The following SYVN1 variants were observed in gnomAD, a reference collection of about 807,000 sequenced individuals.
The protein encoded by SYVN1 is synoviolin 1, also known as E3 ubiquitin-protein ligase synoviolin.
A neutral mutation model predicts 62.6 loss-of-function variants in SYVN1; 17 were observed. That is an observed-to-expected ratio of 0.27 (90% CI 0.19 to 0.41). SYVN1 has a LOEUF of 0.41. Ranked by LOEUF, SYVN1 falls within the 10% of genes least tolerant of loss-of-function variation. The pLI is 1.00. For missense variants in SYVN1, 634 were observed against 818.0 expected, an observed-to-expected ratio of 0.78 and a Z score of 2.74; for synonymous variants, 316 against 304.0, an observed-to-expected ratio of 1.04 and a Z score of -0.41.
chr11:65,133,552 G>C lies in SYVN1; in HGVS notation c.50C>G (p.Ala17Gly). ...GAGGTAGTAGGCGTGAGCCACCACAGCCCCGGTCAGCGCCAGGCTGGCCGC... is the reference window on the plus strand; with the variant it reads ...GAGGTAGTAGGCGTGAGCCACCACACCCCCGGTCAGCGCCAGGCTGGCCGC... The part of the protein sequence containing the change: ...MMAASLALTG[A>G]VVAHAYYLKH... The change falls in exon 2 of 16, where the codon GCT (alanine) becomes GGT (glycine). Residue 17 changes from alanine to glycine, a missense_variant. Ala to Gly is a moderately conservative substitution (Grantham distance 60). This residue lies in a region of SYVN1 where 283 missense variants were observed against 444.7 expected (regional missense o/e 0.64). Coordinates refer to ENST00000377190, the MANE Select transcript of SYVN1 (RefSeq NM_172230.3). The C allele has an allele frequency of 6.2e-7, 1 of 1,612,888 alleles. No homozygotes were observed.
Position 65,133,461 on chromosome 11 carries a change from T to A in SYVN1, c.132+9A>T. On this transcript the variant is annotated intron_variant, in intron 2 of 15. Coordinates refer to ENST00000377190, the MANE Select transcript of SYVN1 (RefSeq NM_172230.3). ...AGGGAGTTCCTCCCTCCCTGAGCCC[T>A]GAACTCACTGCCATGCTGGGGCTGG... 3 of 1,613,538 alleles carry A rather than the reference T, an allele frequency of 1.9e-6. No homozygotes were observed. Among genetic ancestry groups the A allele is most frequent in the Non-Finnish European group, 1.7e-6 (2 of 1,179,866 alleles).
chr11:65,128,781 C>T, intron 14 of SYVN1, 67 bp from the exon 15 acceptor site: 1 of 1,470,134 alleles, frequency 6.8e-7, no homozygotes, highest in Non-Finnish European at 9.1e-7. Flanking sequence ...TTCTCCTGCC[C>T]TTGGTGAGCC....
At position 65,132,276 on chromosome 11, in the gene SYVN1, GC is replaced by G; in HGVS notation, c.502del (p.Ala168ProfsTer14). On this transcript the variant is annotated frameshift_variant, in exon 6 of 16. Transcript: ENST00000377190. LOFTEE classifies it high-confidence loss of function. ...HAYHSILTRG[A>X]SVQLVFGFEY... Reference sequence around the variant, plus strand: ...AAAGCCAAACACCAGCTGCACAGAGGCCCCACGGGTCAGGATGCTGTGATAG... The same window carrying G: ...AAAGCCAAACACCAGCTGCACAGAGGCCCACGGGTCAGGATGCTGTGATAG... 6.2e-7 allele frequency: 1 copy of G among 1,614,078 alleles called. No individual in the cohort carries two copies. The highest frequency in any genetic ancestry group is 8.5e-7 in the Non-Finnish European group (1 of 1,179,954).
Position 65,130,684 on chromosome 11 carries a change from G to C in SYVN1, c.1081C>G (p.Pro361Ala). ...QGPPPAPHPP[P>A]LLPQPPNFPQ... ...CAGTTGGGGGGCTGAGGCAAGAGTG[G>C]TGGGGGGTGGGGGGCAGGGGGTGGC... The change falls in exon 11 of 16, where the codon CCA becomes GCA. Residue 361 changes from proline to alanine, a missense_variant. Pro to Ala is a conservative substitution (Grantham distance 27, BLOSUM62 -1). Around this residue, in one of 2 missense-constraint regions of SYVN1, gnomAD observed 351 missense variants for 373.3 expected, o/e 0.94. Transcript: ENST00000377190. 6.7e-7 allele frequency: 1 copy of C among 1,487,466 alleles called. No homozygotes were observed. The highest frequency in any genetic ancestry group is 8.9e-7 in the Non-Finnish European group (1 of 1,118,248). The allele number at this position is 1,487,466 out of a possible 1,614,324, so 92.1% of individuals were successfully genotyped here.
intron 7 of SYVN1, 46 bp downstream of exon 7, chr11:65,131,424 G>A: frequency 1.2e-6 from 2 of 1,613,976 alleles, no homozygotes; most frequent in African/African-American, 1.3e-5. Flanking sequence ...AGGAGGCAGA[G>A]TGGAGGATGC....
rs181540114 is a variant in SYVN1 at position 65,132,381 on chromosome 11, G to A, written c.428-30C>T. ...GGGGACCCCCACACATGCAGGGTGGGGGGGTCAGCCCAGGGCCCAACAGCT... is the reference window on the plus strand; with the variant it reads ...GGGGACCCCCACACATGCAGGGTGGAGGGGTCAGCCCAGGGCCCAACAGCT... On this transcript the variant is annotated intron_variant, in intron 5 of 15. Coordinates refer to ENST00000377190, the MANE Select transcript of SYVN1 (RefSeq NM_172230.3). The A allele has an allele frequency of 2.0e-3, 3,021 of 1,520,880 alleles. 18 individuals are homozygous for A. Among genetic ancestry groups the A allele is most frequent in the South Asian group, 2.3e-3 (202 of 89,068 alleles). The allele number at this position is 1,520,880 out of a possible 1,614,324, so 94.2% of individuals were successfully genotyped here. A position where few individuals can be genotyped will look rare whatever the true frequency, so the allele number is the denominator to read the frequency against.
At position 65,133,141 on chromosome 11, in the gene SYVN1, G is replaced by C. The variant is rs753990874; in HGVS notation, c.225+19C>G. 6 of 1,613,962 alleles carry C rather than the reference G, an allele frequency of 3.7e-6. No homozygotes were observed. In the South Asian group the frequency reaches 6.6e-5, roughly 18 times the overall value. The stretch of plus-strand genomic sequence containing the variant: ...TTCCCAGCACCCTGCCCTCACCTTT[G>C]GGGCAGCCGACATCTTACCTCCATC... On this transcript the variant is annotated intron_variant, in intron 3 of 15. Transcript: ENST00000377190.
At position 65,129,426 on chromosome 11, in the gene SYVN1, A is replaced by C. The variant is rs1425674409; in HGVS notation, c.1595+303T>G. ...CTAAGTGTCACCACATCTCAGAAGAATATCATGTGATGAACTAAAGCACTG... is the reference window on the plus strand; with the variant it reads ...CTAAGTGTCACCACATCTCAGAAGACTATCATGTGATGAACTAAAGCACTG... On this transcript the variant is annotated intron_variant, in intron 14 of 15. Coordinates refer to ENST00000377190, the MANE Select transcript of SYVN1 (RefSeq NM_172230.3). The C allele has an allele frequency of 1.0e-5, 3 of 301,160 alleles. No homozygotes were observed. The East Asian group carries it at 1.7e-4, about 17-fold the overall frequency. The allele number at this position is 301,160 out of a possible 1,614,324, so 18.7% of individuals were successfully genotyped here.
At chr11:65,131,110 C>T (rs539720477) in intron 9 of SYVN1, 22 bp downstream of exon 9, 13 of 1,614,032 alleles carry the variant, frequency 8.1e-6, no homozygotes, top group African/African-American at 2.7e-5. Flanking sequence ...CTTGGGACAG[C>T]AGCCATGACA....
In SYVN1 at chr11:65,133,208, C is replaced by T; in HGVS notation, c.177G>A (p.Lys59=). 6.2e-7 allele frequency: 1 copy of T among 1,614,212 alleles called. No individual in the cohort carries two copies. Among genetic ancestry groups the T allele is most frequent in the South Asian group, 1.1e-5 (1 of 91,088 alleles). Residue 59 remains lysine, a synonymous_variant, in exon 3 of 16, where the codon AAG becomes AAA. Transcript: ENST00000377190. The part of the protein sequence containing the change: ...QAFVLVFLLG[K]VMGKVFFGQL... ...GCCCAAAGAACACCTTGCCCATCAC[C>T]TTGCCCAGAAGGAAGACAAGGACAA...
At chr11:65,133,418 G>C in intron 2 of SYVN1, 52 bp downstream of exon 2, 1 of 1,603,626 alleles carries the variant, frequency 6.2e-7, no homozygotes, top group Non-Finnish European at 8.5e-7. Context: ...TGCCCAGGCA[G>C]ACTCCTCCTT....
Position 65,128,572 on chromosome 11 carries a change from T to C in SYVN1, c.1738A>G (p.Arg580Gly), listed in dbSNP as rs750252371. Residue 580 changes from arginine (R) to glycine (G), a missense_variant, in exon 15 of 16, where the codon AGG becomes GGG. This residue lies in a region of SYVN1 where 351 missense variants were observed against 373.3 expected (regional missense o/e 0.94). Transcript: ENST00000377190. ...GASPPAPEME[R>G]PPAPESVGTE... ...GGCCAATCACACCTACCTGGAGGCCTTTCCATTTCAGGGGCTGGTGGGGAG... is the reference window on the plus strand; with the variant it reads ...GGCCAATCACACCTACCTGGAGGCCCTTCCATTTCAGGGGCTGGTGGGGAG... 3.1e-6 allele frequency: 5 copies of C among 1,613,914 alleles called. No individual in the cohort carries two copies. Among genetic ancestry groups the C allele is most frequent in the South Asian group, 1.1e-5 (1 of 91,074 alleles).
At position 65,131,143 on chromosome 11, in the gene SYVN1, G is replaced by A; in HGVS notation, c.813C>T (p.Asn271=). 6.2e-7 allele frequency: 1 copy of A among 1,614,210 alleles called. No homozygotes were observed. The highest frequency in any genetic ancestry group is 1.3e-5 in the African/African-American group (1 of 75,058). Residue 271 remains asparagine, a synonymous_variant, in exon 9 of 16, where the codon AAC becomes AAT. Transcript: ENST00000377190. The part of the protein sequence containing the change: ...DAIMSRRAIR[N]MNTLYPDATP... ...ACAAGCCTACTTACAGGGTGTTCAT[G>A]TTGCGGATGGCTCGGCGAGACATGA... is the stretch of plus-strand genomic sequence containing the variant.
In SYVN1 at chr11:65,128,674, TCTC is replaced by T. The variant is rs758956501; in HGVS notation, c.1633_1635del (p.Glu545del). The T allele has an allele frequency of 8.7e-6, 14 of 1,613,420 alleles. No homozygotes were observed. The Admixed American group carries it at 1.2e-4, about 13-fold the overall frequency. On this transcript the variant is annotated inframe_deletion, in exon 15 of 16. Transcript: ENST00000377190. ...GCAGCAGCAACAACTGTAGTGGCAGTCTCCTCAGTGGAGTTGACTGAAGTGGCA... is the reference window on the plus strand; with the variant it reads ...GCAGCAGCAACAACTGTAGTGGCAGTCTCAGTGGAGTTGACTGAAGTGGCA...
chr11:65,130,857 C>G, intron 10 of SYVN1, 34 bp from the exon 11 acceptor site: 1 of 1,605,636 alleles, frequency 6.2e-7, no homozygotes, highest in African/African-American at 1.3e-5. Context: ...GTCAGCAGGT[C>G]CCTAGGGGCC....
rs1590827066 is a variant in SYVN1 at position 65,130,803 on chromosome 11, T to C, written c.962A>G (p.Gln321Arg). ...FHTSCLRSWF[Q>R]RQQTCPTCRM... is the part of the protein sequence containing the mutation. ...GCAGGTGGGGCAGGTCTGCTGCCGC[T>C]GGAACCAGGAGCGCAGGCAGCTGCG... The change falls in exon 11 of 16, where the codon CAG becomes CGG. Residue 321 changes from glutamine (Q) to arginine (R), a missense_variant. By Grantham distance (43) the Gln-to-Arg change is conservative. Transcript: ENST00000377190. 2 of 1,555,630 alleles carry C rather than the reference T, an allele frequency of 1.3e-6. No homozygotes were observed. The highest frequency in any genetic ancestry group is 1.7e-6 in the Non-Finnish European group (2 of 1,156,354).
In SYVN1 at chr11:65,130,663, T is replaced by TG; in HGVS notation, c.1101dup (p.Asn368GlnfsTer129). 2 of 921,182 alleles carry TG rather than the reference T, an allele frequency of 2.2e-6. No homozygotes were observed. The highest frequency in any genetic ancestry group is 2.8e-6 in the Non-Finnish European group (2 of 723,818). 57.1% of individuals were successfully genotyped at this position (921,182 alleles called of 1,614,324 possible). On this transcript the variant is annotated frameshift_variant, in exon 11 of 16. Transcript: ENST00000377190. LOFTEE classifies it high-confidence loss of function. ...GGCCAGACAAGGGGATACTCACAGT[T>TG]GGGGGGCTGAGGCAAGAGTGGTGGG...
chr11:65,130,761 C>T lies in SYVN1; in HGVS notation c.1004G>A (p.Arg335His), dbSNP rs778094879. 1.2e-5 allele frequency: 18 copies of T among 1,539,030 alleles called. 1 individual carries two copies. In the South Asian group the frequency reaches 1.3e-4, roughly 11 times the overall value. ...TGGTGACTGCGCTGGCAGCGATGCA[C>T]GAAGGACATCCATACGGCAGGTGGG... is the stretch of plus-strand genomic sequence containing the variant. ...TCPTCRMDVL[R>H]ASLPAQSPPP... The change falls in exon 11 of 16, where the codon CGT (arginine) becomes CAT (histidine). Residue 335 changes from arginine to histidine, a missense_variant. Transcript: ENST00000377190.
At chr11:65,132,194 G>A (rs577115516) in intron 6 of SYVN1, 54 bp downstream of exon 6, 2 of 1,382,810 alleles carry the variant, frequency 1.4e-6, no homozygotes, top group Admixed American at 1.7e-5. Context: ...GTTATTCAAG[G>A]CACATGTGGG....
Sources: gnomAD v4.1 joint callset for allele counts on GRCh38, gnomAD v4.1.1 for gene constraint, gnomAD v4.1.1 regional missense constraint, MANE v1.5 for transcripts, NCBI Gene and HGNC (gene_info 2026-07-23, HGNC 2026-07-21) for gene names.